MRPS28: variants seen among roughly 807,000 people sequenced by gnomAD.
MRPS28 encodes small ribosomal subunit protein bS1m.
MRPS28 carries 7 observed loss-of-function variants against 10.8 expected under a neutral mutation model. The observed-to-expected ratio is 0.65, with a 90% CI of 0.37 to 1.22. The LOEUF is 1.22. Among genes scored for constraint, MRPS28 ranks in the 50% most tolerant of loss-of-function variants. The pLI, the probability that MRPS28 is intolerant of heterozygous loss-of-function variation, is 0.02. For missense variants in MRPS28, 265 were observed against 232.9 expected, an observed-to-expected ratio of 1.14 and a Z score of -0.90; for synonymous variants, 121 against 93.3, an observed-to-expected ratio of 1.30 and a Z score of -1.71.
At chr8:79,980,966 C>T (rs928624733) in intron 2 of MRPS28, among the ~76,000 whole-genome samples, 1 of 152,198 alleles carries the variant, frequency 6.6e-6, no homozygotes, top group African/African-American at 2.4e-5. Flanking sequence ...CTAAACTTTA[C>T]TTTTGGAATG....
At chr8:80,029,049 C>A (rs1809574212) in intron 1 of MRPS28, among the ~76,000 whole-genome samples, 1 of 152,132 alleles carries the variant, frequency 6.6e-6, no homozygotes, top group Non-Finnish European at 1.5e-5. Flanking sequence ...CTCCTAGAAG[C>A]TACGGAAAAG....
At chr8:79,979,159 A>T (rs1308857996) in intron 2 of MRPS28, among the ~76,000 whole-genome samples, 1 of 152,220 alleles carries the variant, frequency 6.6e-6, no homozygotes, top group African/African-American at 2.4e-5. Context: ...TGTTCATTCA[A>T]ATCTTTATAA....
chr8:79,980,281 G>A (rs1807920639), intron 2 of MRPS28, among the ~76,000 whole-genome samples: 1 of 152,174 alleles, frequency 6.6e-6, no homozygotes, highest in Non-Finnish European at 1.5e-5. Flanking sequence ...CAATTAGTTA[G>A]GAGTAGAGCC....
intron 2 of MRPS28, among the ~76,000 whole-genome samples, chr8:79,942,717 T>C (rs1253163813): frequency 6.6e-6 from 1 of 152,208 alleles, no homozygotes; most frequent in Non-Finnish European, 1.5e-5. Flanking sequence ...TGTGCACTTT[T>C]ATCATTTAAA....
chr8:79,923,382 A>C (rs943339173), intron 2 of MRPS28, among the ~76,000 whole-genome samples: 17 of 152,168 alleles, frequency 1.1e-4, no homozygotes, highest in Non-Finnish European at 5.9e-5. Context: ...TTATCACTCC[A>C]TAGAGTCTTA....
At chr8:80,001,032 T>C (rs1391757968) in intron 2 of MRPS28, among the ~76,000 whole-genome samples, 2 of 152,178 alleles carry the variant, frequency 1.3e-5, no homozygotes, top group African/African-American at 2.4e-5. Context: ...ATAAAAAAAG[T>C]ATATGACTAG....
At chr8:79,971,976 C>T (rs1284245794) in intron 2 of MRPS28, among the ~76,000 whole-genome samples, 1 of 152,030 alleles carries the variant, frequency 6.6e-6, no homozygotes. Context: ...CTGGGATTAC[C>T]GGTGTGAGCC....
intron 2 of MRPS28, among the ~76,000 whole-genome samples, chr8:79,977,449 G>A (rs1807832404): frequency 6.6e-6 from 1 of 152,106 alleles, no homozygotes; most frequent in Non-Finnish European, 1.5e-5. Context: ...ATGATTTAAA[G>A]CTTTAATCTA....
At chr8:79,967,243 C>T (rs1258624958) in intron 2 of MRPS28, among the ~76,000 whole-genome samples, 1 of 152,156 alleles carries the variant, frequency 6.6e-6, no homozygotes, top group Non-Finnish European at 1.5e-5. Flanking sequence ...ACTCACTCTC[C>T]TCAGCTCTTT....
At chr8:79,941,394 T>C (rs1806761813) in intron 2 of MRPS28, among the ~76,000 whole-genome samples, 1 of 152,192 alleles carries the variant, frequency 6.6e-6, no homozygotes, top group South Asian at 2.1e-4. Flanking sequence ...GATGTAACTA[T>C]TATTCTCGAT....
chr8:79,983,746 C>T lies in MRPS28; in HGVS notation c.395+19253G>A, dbSNP rs1191813946. 2.6e-5 allele frequency among the ~76,000 whole-genome samples: 4 copies of T among 152,292 alleles called. No homozygotes were observed. In the East Asian group the frequency reaches 7.7e-4, roughly 29 times the overall value. ...AGAAAAAAGAATAAAGAGAAACGAACAAAGCCTCCAAGAAATATGGGACTA... is the reference window on the plus strand; with the variant it reads ...AGAAAAAAGAATAAAGAGAAACGAATAAAGCCTCCAAGAAATATGGGACTA... On this transcript the variant is annotated intron_variant, in intron 2 of 2. Transcript: ENST00000276585.
At chr8:79,967,932 T>G (rs183196764) in intron 2 of MRPS28, among the ~76,000 whole-genome samples, 1 of 152,108 alleles carries the variant, frequency 6.6e-6, no homozygotes, top group East Asian at 1.9e-4. Context: ...ACTATTTACA[T>G]TATCTTGAAT....
intron 2 of MRPS28, among the ~76,000 whole-genome samples, chr8:79,920,792 AT>A (rs1810072826): frequency 6.6e-6 from 1 of 152,236 alleles, no homozygotes; most frequent in African/African-American, 2.4e-5. Context: ...CTTTAGTTTA[AT>A]TAGATCCCAT....
intron 2 of MRPS28, among the ~76,000 whole-genome samples, chr8:79,969,584 T>C (rs1287180145): frequency 1.3e-5 from 2 of 151,846 alleles, no homozygotes; most frequent in African/African-American, 4.8e-5. Flanking sequence ...ATATCTGAAA[T>C]GGAAAAGATG....
At chr8:80,024,026 C>T (rs952483641) in intron 1 of MRPS28, among the ~76,000 whole-genome samples, 23 of 152,054 alleles carry the variant, frequency 1.5e-4, no homozygotes, top group Admixed American at 1.4e-3. Context: ...CCCAGAAGTG[C>T]GAGAGCAGCC....
At chr8:79,919,914 G>GCA (rs1563516123) in intron 2 of MRPS28, among the ~76,000 whole-genome samples, 8 of 149,774 alleles carry the variant, frequency 5.3e-5, no homozygotes, top group South Asian at 4.3e-4. Context: ...CGTCATTTAC[G>GCA]TTAGGTATAT....
At chr8:79,983,429 A>C (rs1281051073) in intron 2 of MRPS28, among the ~76,000 whole-genome samples, 1 of 152,206 alleles carries the variant, frequency 6.6e-6, no homozygotes, top group Non-Finnish European at 1.5e-5. Flanking sequence ...ACGGAGAATG[A>C]CTTTGACGAG....
At chr8:79,963,104 T>C (rs541981424) in intron 2 of MRPS28, among the ~76,000 whole-genome samples, 104 of 152,260 alleles carry the variant, frequency 6.8e-4, no homozygotes, top group Non-Finnish European at 1.2e-3. Context: ...AGTATGATGA[T>C]GTGATTGTAC....
chr8:80,024,596 T>C (rs1809452481), intron 1 of MRPS28, among the ~76,000 whole-genome samples: 1 of 152,210 alleles, frequency 6.6e-6, no homozygotes, highest in Non-Finnish European at 1.5e-5. Context: ...ACTAAATCAA[T>C]AGGTAAAACT....
Sources: gnomAD v4.1 joint callset for allele counts (sites outside exome capture counted in the v4.1 genomes callset) on GRCh38, gnomAD v4.1.1 for gene constraint, MANE v1.5 for transcripts, NCBI Gene and HGNC (gene_info 2026-07-23, HGNC 2026-07-21) for gene names.